Variants in IRAK1BP1 observed in about 807,000 individuals in gnomAD.
IRAK1BP1 encodes the protein interleukin-1 receptor-associated kinase 1-binding protein 1.
In IRAK1BP1, 24 loss-of-function variants were observed where a neutral mutation model predicts 28.0. That is an observed-to-expected ratio of 0.86 (90% CI 0.62 to 1.20). The LOEUF (loss-of-function observed/expected upper bound fraction) is 1.20. IRAK1BP1 is among the 50% of genes most tolerant of loss of function. The pLI is 0.00. For missense variants in IRAK1BP1, 336 were observed against 316.7 expected (o/e 1.06, Z -0.46); for synonymous variants, 131 against 116.3 (o/e 1.13, Z -0.81).
At chr6:78,903,469 C>T (rs1325648484), downstream of IRAK1BP1, among the ~76,000 whole-genome samples, 1 of 151,994 alleles carries the variant, frequency 6.6e-6, no homozygotes, top group Non-Finnish European at 1.5e-5. Context: ...CCAGCTTGGG[C>T]GACAGTGCGA....
chr6:78,940,897 T>G (rs1391986581), intron 4 of IRAK1BP1: 1 of 1,613,866 alleles, frequency 6.2e-7, no homozygotes, highest in Non-Finnish European at 8.5e-7. Context: ...CTTCAAACTC[T>G]TCTTCCTCAT....
chr6:78,870,931 G>A (rs1367112694), intron 1 of IRAK1BP1, among the ~76,000 whole-genome samples: 3 of 151,824 alleles, frequency 2.0e-5, no homozygotes, highest in Admixed American at 1.3e-4. Flanking sequence ...GGCTGGTCTC[G>A]AACTCCTGAC....
the IRAK1BP1 span, among the ~76,000 whole-genome samples, chr6:78,952,856 T>A: frequency 1.9e-4 from 29 of 152,236 alleles, no homozygotes; most frequent in African/African-American, 7.0e-4. Flanking sequence ...CTCAACAGCA[T>A]TTCTTTTTTC....
intron 4 of IRAK1BP1, among the ~76,000 whole-genome samples, chr6:78,933,786 T>C (rs893242867): frequency 1.3e-5 from 2 of 152,008 alleles, no homozygotes; most frequent in African/African-American, 4.8e-5. Flanking sequence ...GCTGATTTGA[T>C]CTTCTATCCA....
At chr6:78,868,258 A>ATTTTG (rs1298917667) in intron 1 of IRAK1BP1, among the ~76,000 whole-genome samples, 4 of 152,148 alleles carry the variant, frequency 2.6e-5, no homozygotes, top group East Asian at 3.8e-4. Context: ...GACACTAAAT[A>ATTTTG]TTTTGTTTTG....
intron 1 of IRAK1BP1, among the ~76,000 whole-genome samples, chr6:78,877,313 C>T (rs1414632857): frequency 6.6e-6 from 1 of 152,168 alleles, no homozygotes; most frequent in Non-Finnish European, 1.5e-5. Flanking sequence ...CCTCTGGAAA[C>T]ATTGTTTATG....
chr6:78,889,296 G>C (rs1440015890), intron 2 of IRAK1BP1, among the ~76,000 whole-genome samples: 1 of 151,860 alleles, frequency 6.6e-6, no homozygotes, highest in Non-Finnish European at 1.5e-5. Flanking sequence ...AAAGACTTAA[G>C]TGTAAAACCT....
At chr6:78,920,809 T>A (rs1414753638) in intron 4 of IRAK1BP1, among the ~76,000 whole-genome samples, 1 of 152,136 alleles carries the variant, frequency 6.6e-6, no homozygotes, top group Non-Finnish European at 1.5e-5. Context: ...ACTAAAGAGC[T>A]TGTGCATAGC....
the IRAK1BP1 span, among the ~76,000 whole-genome samples, chr6:78,967,420 A>T: frequency 2.0e-5 from 3 of 152,238 alleles, no homozygotes; most frequent in Non-Finnish European, 4.4e-5. Context: ...GGAAGGACTG[A>T]GTAATGTGTG....
chr6:78,944,218 C>T (rs1773677707), intron 4 of IRAK1BP1, among the ~76,000 whole-genome samples: 2 of 152,026 alleles, frequency 1.3e-5, no homozygotes, highest in African/African-American at 2.4e-5. Flanking sequence ...GTAAAAGAAC[C>T]TGGAATGTTA....
the IRAK1BP1 span, among the ~76,000 whole-genome samples, chr6:78,969,515 C>A: frequency 1.3e-5 from 2 of 152,264 alleles, no homozygotes; most frequent in East Asian, 3.9e-4. Flanking sequence ...CAAACTTATA[C>A]ATCTTGTTAA....
chr6:78,939,267 T>C (rs1008869547), intron 4 of IRAK1BP1: 13 of 151,744 alleles, frequency 8.6e-5, no homozygotes, highest in African/African-American at 2.9e-4. Flanking sequence ...TTAATTTTAC[T>C]AATGATGCAA....
intron 1 of IRAK1BP1, 136 bp from the exon 2 acceptor site, chr6:78,885,242 T>G: frequency 1.9e-6 from 1 of 539,760 alleles, no homozygotes; most frequent in African/African-American, 2.0e-5. Context: ...TTAGGAAAGT[T>G]TTAAAACATC....
intron 3 of IRAK1BP1, 27 bp from the exon 4 acceptor site, chr6:78,898,037 T>A (rs370004549): frequency 1.4e-4 from 232 of 1,604,794 alleles, no homozygotes; most frequent in Middle Eastern, 3.3e-4. Flanking sequence ...AGTGTCATAT[T>A]AATAATCTCT....
intron 2 of IRAK1BP1, among the ~76,000 whole-genome samples, chr6:78,897,074 ACT>A (rs1442837184): frequency 2.0e-5 from 3 of 151,130 alleles, no homozygotes; most frequent in African/African-American, 7.3e-5. Context: ...ACATAGTGAG[ACT>A]CCACCTCTAC....
chr6:78,946,431 G>A (rs1391870885), exon 5 of IRAK1BP1: 3 of 1,402,362 alleles, frequency 2.1e-6, no homozygotes, highest in African/African-American at 2.9e-5. Context: ...ATTTAGTGAA[G>A]GATCGCTGTA....
chr6:78,963,021 G>T, the IRAK1BP1 span: 1 of 1,373,506 alleles, frequency 7.3e-7, no homozygotes, highest in Non-Finnish European at 9.8e-7. Context: ...AAAAATTTTT[G>T]TTGGAGAATA....
intron 1 of IRAK1BP1, chr6:78,872,277 T>C: frequency 2.0e-6 from 1 of 488,244 alleles, no homozygotes; most frequent in Non-Finnish European, 3.6e-6. Flanking sequence ...ATGGTGTTTT[T>C]TGGGATCACC....
downstream of IRAK1BP1, among the ~76,000 whole-genome samples, chr6:78,906,714 G>T (rs1224634866): frequency 2.6e-5 from 4 of 151,846 alleles, no homozygotes; most frequent in Non-Finnish European, 5.9e-5. Context: ...TTGGATTAGG[G>T]TTTTTTTTCC....
Sources: gnomAD v4.1 joint callset for allele counts (sites outside exome capture counted in the v4.1 genomes callset) on GRCh38, gnomAD v4.1.1 for gene constraint, MANE v1.5 for transcripts, NCBI Gene and HGNC (gene_info 2026-07-23, HGNC 2026-07-21) for gene names.